Variants in L3MBTL4 observed in about 807,000 individuals in gnomAD.
L3MBTL4 encodes L3MBTL histone methyl-lysine binding protein 4.
In L3MBTL4, 70 loss-of-function variants were observed where a neutral mutation model predicts 84.5. That is an observed-to-expected ratio of 0.83 (90% confidence interval 0.68 to 1.01). L3MBTL4 has a LOEUF of 1.01. Ranked by LOEUF, L3MBTL4 falls within the 50% of genes least tolerant of loss-of-function variation. The pLI, the probability that L3MBTL4 is intolerant of heterozygous loss-of-function variation, is 0.00. For synonymous variants in L3MBTL4, 274 were observed against 259.8 expected (o/e 1.05, Z -0.52); for missense variants, 715 against 754.8 (o/e 0.95, Z 0.62).
chr18:6,184,382 T>C (rs2044624860), intron 12 of L3MBTL4, among the ~76,000 whole-genome samples: 1 of 152,188 alleles, frequency 6.6e-6, no homozygotes, highest in African/African-American at 2.4e-5. Flanking sequence ...TTAACACTCA[T>C]TGGACAAATG....
rs943742751 is a variant in L3MBTL4 at position 5,990,956 on chromosome 18, A to G, written c.1445-21394T>C. ...CATTTTCTTCCTCTCTGATTCACTC[A>G]TCTGTCTCCCCATCTCTCTGATCTC... On this transcript the variant is annotated intron_variant, in intron 16 of 18. Coordinates refer to ENST00000317931, the MANE Select transcript of L3MBTL4 (RefSeq NM_001330559.2). Among the ~76,000 whole-genome samples, 11 of 152,234 alleles carry G rather than the reference A, an allele frequency of 7.2e-5. No individual in the cohort carries two copies. In the East Asian group the frequency reaches 2.1e-3, roughly 29 times the overall value.
chr18:6,400,768 A>G (rs2055477472), intron 1 of L3MBTL4, among the ~76,000 whole-genome samples: 1 of 152,146 alleles, frequency 6.6e-6, no homozygotes, highest in Non-Finnish European at 1.5e-5. Context: ...TACAGGCAAT[A>G]ATCAAGAAAA....
intron 1 of L3MBTL4, among the ~76,000 whole-genome samples, chr18:6,355,203 G>A (rs566586725): frequency 2.0e-5 from 3 of 152,174 alleles, no homozygotes; most frequent in African/African-American, 7.2e-5. Flanking sequence ...TGTGTGTAAC[G>A]CAAAGGATAA....
At chr18:6,097,475 C>A (rs914515612) in intron 14 of L3MBTL4, among the ~76,000 whole-genome samples, 1 of 152,198 alleles carries the variant, frequency 6.6e-6, no homozygotes, top group African/African-American at 2.4e-5. Context: ...TGGACCCCTG[C>A]ATTTTGGGTG....
intron 10 of L3MBTL4, among the ~76,000 whole-genome samples, chr18:6,231,773 T>C (rs2047009221): frequency 6.6e-6 from 1 of 152,142 alleles, no homozygotes; most frequent in Non-Finnish European, 1.5e-5. Flanking sequence ...TTTTGTTGAA[T>C]TGGTTTATTA....
At chr18:6,140,480 C>T (rs570988498) in intron 13 of L3MBTL4, among the ~76,000 whole-genome samples, 15 of 152,174 alleles carry the variant, frequency 9.9e-5, no homozygotes, top group South Asian at 2.1e-4. Context: ...ATCAAAACAC[C>T]GGTGTCCCAC....
At chr18:6,063,530 TG>T (rs1333298830) in intron 16 of L3MBTL4, among the ~76,000 whole-genome samples, 5 of 152,078 alleles carry the variant, frequency 3.3e-5, no homozygotes, top group East Asian at 3.9e-4. Context: ...CAACATCTAT[TG>T]TTTTTTTGAC....
At position 6,238,036 on chromosome 18, in the gene L3MBTL4, C is replaced by A; in HGVS notation, c.712G>T (p.Asp238Tyr). ...NWDDSYDYWC[D>Y]VNSPYVQPVG... is the part of the protein sequence containing the mutation. ...GGCTGGACATAAGGGCTATTAACATCGCACCTGCAAAAACAGAGCTCTATA... is the reference window on the plus strand; with the variant it reads ...GGCTGGACATAAGGGCTATTAACATAGCACCTGCAAAAACAGAGCTCTATA... Residue 238 changes from aspartate to tyrosine, a missense_variant, in exon 10 of 19, where the codon GAT becomes TAT. Coordinates refer to ENST00000317931, the MANE Select transcript of L3MBTL4 (RefSeq NM_001330559.2). 6.2e-7 allele frequency: 1 copy of A among 1,613,922 alleles called. No individual in the cohort carries two copies. The highest frequency in any genetic ancestry group is 2.2e-5 in the East Asian group (1 of 44,876).
intron 14 of L3MBTL4, among the ~76,000 whole-genome samples, chr18:6,107,197 C>A (rs893740538): frequency 6.6e-6 from 1 of 152,040 alleles, no homozygotes; most frequent in African/African-American, 2.4e-5. Context: ...TTGTTGTTTC[C>A]TAGTTTGCTG....
intron 14 of L3MBTL4, among the ~76,000 whole-genome samples, chr18:6,136,563 CTT>C (rs2060034513): frequency 6.6e-6 from 1 of 152,194 alleles, no homozygotes; most frequent in Non-Finnish European, 1.5e-5. Context: ...AGGAGTGTAA[CTT>C]TGCAACTTCA....
chr18:6,161,782 T>G (rs1013583622), intron 13 of L3MBTL4, among the ~76,000 whole-genome samples: 1 of 152,136 alleles, frequency 6.6e-6, no homozygotes, highest in Non-Finnish European at 1.5e-5. Flanking sequence ...CTGCTCACTC[T>G]GTAAAACAAC....
intron 13 of L3MBTL4, among the ~76,000 whole-genome samples, chr18:6,152,490 G>A (rs118026854): frequency 6.6e-6 from 1 of 152,298 alleles, no homozygotes; most frequent in Non-Finnish European, 1.5e-5. Context: ...AATTAGTGAT[G>A]CTGAGCACCT....
chr18:6,360,581 A>G (rs1252120776), intron 1 of L3MBTL4, among the ~76,000 whole-genome samples: 1 of 152,098 alleles, frequency 6.6e-6, no homozygotes, highest in Non-Finnish European at 1.5e-5. Flanking sequence ...GGAAGAATGA[A>G]GAGAATGACA....
At chr18:6,267,621 CTG>C (rs2048691035) in intron 4 of L3MBTL4, among the ~76,000 whole-genome samples, 1 of 152,240 alleles carries the variant, frequency 6.6e-6, no homozygotes, top group Non-Finnish European at 1.5e-5. Context: ...TCTACAACAG[CTG>C]TGTTCTTTAA....
chr18:6,352,742 T>A (rs992947995), intron 1 of L3MBTL4, among the ~76,000 whole-genome samples: 2 of 152,182 alleles, frequency 1.3e-5, no homozygotes, highest in African/African-American at 4.8e-5. Flanking sequence ...TTTATCTATT[T>A]CTTAGCTGTC....
intron 10 of L3MBTL4, among the ~76,000 whole-genome samples, chr18:6,236,496 T>C (rs1284327069): frequency 1.3e-5 from 2 of 152,150 alleles, no homozygotes; most frequent in African/African-American, 4.8e-5. Context: ...AGCCTATTCA[T>C]GAAGTGTAGT....
chr18:6,038,316 C>T (rs1290275068), intron 16 of L3MBTL4, among the ~76,000 whole-genome samples: 2 of 134,034 alleles, frequency 1.5e-5, no homozygotes, highest in African/African-American at 5.7e-5. Context: ...TGCAGTGATG[C>T]AATCTCGGCT....
intron 12 of L3MBTL4, among the ~76,000 whole-genome samples, chr18:6,185,585 T>C (rs915320419): frequency 3.9e-5 from 6 of 151,926 alleles, no homozygotes; most frequent in Non-Finnish European, 8.8e-5. Context: ...CCCCTCACCC[T>C]CTCAACCCTG....
intron 13 of L3MBTL4, among the ~76,000 whole-genome samples, chr18:6,151,098 TG>T (rs2042876246): frequency 6.6e-6 from 1 of 152,102 alleles, no homozygotes. Context: ...CATACAAAAC[TG>T]GAAGGGACTT....
Sources: allele counts gnomAD v4.1 joint callset (sites outside exome capture counted in the v4.1 genomes callset), GRCh38; gene constraint gnomAD v4.1.1; transcripts MANE v1.5; gene names NCBI Gene and HGNC (gene_info 2026-07-23, HGNC 2026-07-21).